Variants in ZNF804B observed in about 807,000 individuals in gnomAD.
ZNF804B encodes the protein zinc finger protein 804B, also known as zinc finger 804B.
A neutral mutation model predicts 101.4 loss-of-function variants in ZNF804B; 80 were observed. The observed-to-expected ratio is 0.79, with a 90% confidence interval of 0.66 to 0.95. The LOEUF (loss-of-function observed/expected upper bound fraction) is 0.95, where lower values mean the gene tolerates loss of function less well. Among genes scored for constraint, ZNF804B ranks in the 40% least tolerant of loss-of-function variants. The pLI is 0.00. For synonymous variants in ZNF804B, 622 were observed against 558.8 expected (o/e 1.11, Z -1.59); for missense variants, 1,673 against 1,561.9 (o/e 1.07, Z -1.20).
intron 1 of ZNF804B, among the ~76,000 whole-genome samples, chr7:89,060,515 C>T (rs61147928): frequency 0.032 from 4,846 of 152,124 alleles, 267 homozygotes; most frequent in African/African-American, 0.11. Context: ...CAAAATTTGT[C>T]GATCACAACC....
intron 2 of ZNF804B, among the ~76,000 whole-genome samples, chr7:89,324,106 A>T (rs1304771762): frequency 2.0e-5 from 3 of 151,046 alleles, no homozygotes; most frequent in African/African-American, 4.9e-5. Flanking sequence ...TTTATAAGAG[A>T]TACAATCACT....
intron 1 of ZNF804B, among the ~76,000 whole-genome samples, chr7:88,935,746 T>A (rs568571848): frequency 6.6e-6 from 1 of 152,124 alleles, no homozygotes; most frequent in African/African-American, 2.4e-5. Flanking sequence ...CCTCATTTGC[T>A]TAGTAGGTGC....
In ZNF804B at chr7:89,330,512, G is replaced by C. The variant is rs189253068; in HGVS notation, c.381-2851G>C. Reference sequence around the variant, plus strand: ...TTATATCTCAATAAACCTAGAAAAAGTTAAAGCTTTAATAATGTTATAATA... The same window carrying C: ...TTATATCTCAATAAACCTAGAAAAACTTAAAGCTTTAATAATGTTATAATA... On this transcript the variant is annotated intron_variant, in intron 3 of 3. Transcript: ENST00000333190. Among the ~76,000 whole-genome samples the C allele has an allele frequency of 4.8e-4, 73 of 151,584 alleles. No individual in the cohort carries two copies. In the East Asian group the frequency reaches 0.014, roughly 29 times the overall value.
intron 2 of ZNF804B, among the ~76,000 whole-genome samples, chr7:89,277,423 A>T (rs1211026): frequency 0.23 from 30,511 of 130,096 alleles, 3,832 homozygotes; most frequent in Non-Finnish European, 0.27. Flanking sequence ...GGTGCGCTGC[A>T]CCCACTAACT....
At chr7:89,130,268 TC>T in intron 1 of ZNF804B, among the ~76,000 whole-genome samples, 1 of 151,936 alleles carries the variant, frequency 6.6e-6, no homozygotes, top group East Asian at 1.9e-4. Context: ...CCATTTGCCA[TC>T]CTAAAAGGGA....
chr7:89,335,598 A>G lies in ZNF804B; in HGVS notation c.2616A>G (p.Gln872=). 5 of 1,613,994 alleles carry G rather than the reference A, an allele frequency of 3.1e-6. No homozygotes were observed. Among genetic ancestry groups the G allele is most frequent in the Non-Finnish European group, 4.2e-6 (5 of 1,179,958 alleles). The change falls in exon 4 of 4, where the codon CAA becomes CAG. Residue 872 remains glutamine (Q), a synonymous_variant. Transcript: ENST00000333190. ...ACTTGAATAAAAGCAAGAGAAATCA[A>G]GAGTCTTTGGGCAGCCCTCACATTT... ...MYYLNKSKRN[Q]ESLGSPHICD...
At chr7:88,946,233 T>C (rs746800686) in intron 1 of ZNF804B, among the ~76,000 whole-genome samples, 11 of 152,208 alleles carry the variant, frequency 7.2e-5, no homozygotes, top group Middle Eastern at 6.8e-3. Context: ...TTGTCATAAA[T>C]AGCTCTTATT....
intron 1 of ZNF804B, among the ~76,000 whole-genome samples, chr7:88,775,588 A>C (rs564589812): frequency 1.3e-5 from 2 of 152,334 alleles, no homozygotes; most frequent in Admixed American, 1.3e-4. Context: ...ATCAGAAATA[A>C]TTTATAAACA....
chr7:89,264,456 T>G (rs1789754785), intron 2 of ZNF804B, among the ~76,000 whole-genome samples: 1 of 152,200 alleles, frequency 6.6e-6, no homozygotes, highest in African/African-American at 2.4e-5. Flanking sequence ...TGCCAAAGCC[T>G]GTACACATTT....
intron 2 of ZNF804B, among the ~76,000 whole-genome samples, chr7:89,238,458 G>T (rs1334909311): frequency 1.3e-5 from 2 of 151,756 alleles, no homozygotes; most frequent in Non-Finnish European, 2.9e-5. Flanking sequence ...AATAAAATAG[G>T]CTGAAACAGA....
At chr7:88,776,780 A>ACCCCCCCCCCC (rs10707553) in intron 1 of ZNF804B, among the ~76,000 whole-genome samples, 28 of 83,486 alleles carry the variant, frequency 3.4e-4, no homozygotes, top group Non-Finnish European at 6.0e-4. Flanking sequence ...TAACCCATAA[A>ACCCCCCCCCCC]CCCCCCCCCC....
rs527543744 is a variant in ZNF804B, at chr7:89,304,895, GAGA to G, written c.250-22443_250-22441del. Among the ~76,000 whole-genome samples, 381 of 152,012 alleles carry G rather than the reference GAGA, an allele frequency of 2.5e-3. 2 individuals are homozygous for G. The highest frequency in any genetic ancestry group is 9.0e-3 in the African/African-American group (372 of 41,502). On this transcript the variant is annotated intron_variant, in intron 2 of 3. Coordinates refer to ENST00000333190, the MANE Select transcript of ZNF804B (RefSeq NM_181646.5). ...TTATAAAAGAGAAAAAAGAGGTTCT[GAGA>G]AGAAGTACAAAATTCAAAATTGAAA...
intron 1 of ZNF804B, among the ~76,000 whole-genome samples, chr7:89,017,525 G>T (rs1788588262): frequency 6.6e-6 from 1 of 152,022 alleles, no homozygotes; most frequent in Non-Finnish European, 1.5e-5. Flanking sequence ...ACATGGAGTT[G>T]AGGATTATTT....
intron 1 of ZNF804B, among the ~76,000 whole-genome samples, chr7:89,147,359 C>A (rs931954758): frequency 1.3e-5 from 2 of 151,932 alleles, no homozygotes; most frequent in Non-Finnish European, 2.9e-5. Flanking sequence ...GTAAAGATTT[C>A]TTTTCTCATC....
chr7:88,775,162 T>G (rs984591065), intron 1 of ZNF804B, among the ~76,000 whole-genome samples: 1 of 152,224 alleles, frequency 6.6e-6, no homozygotes, highest in Non-Finnish European at 1.5e-5. Flanking sequence ...GATAAGTAAC[T>G]GATTCTAAAG....
chr7:89,028,846 C>T (rs1157671109), intron 1 of ZNF804B, among the ~76,000 whole-genome samples: 1 of 151,904 alleles, frequency 6.6e-6, no homozygotes, highest in Non-Finnish European at 1.5e-5. Flanking sequence ...TGAAGTAGTA[C>T]CTGGAACAAT....
At chr7:88,821,905 G>A (rs1790987628) in intron 1 of ZNF804B, among the ~76,000 whole-genome samples, 1 of 152,034 alleles carries the variant, frequency 6.6e-6, no homozygotes, top group African/African-American at 2.4e-5. Flanking sequence ...ACTTCATATA[G>A]AAGCAAAAAG....
chr7:88,841,407 C>A (rs1791289979), intron 1 of ZNF804B, among the ~76,000 whole-genome samples: 1 of 152,072 alleles, frequency 6.6e-6, no homozygotes, highest in African/African-American at 2.4e-5. Context: ...AATAAAGCCA[C>A]AATAAAAACT....
intron 1 of ZNF804B, among the ~76,000 whole-genome samples, chr7:88,901,665 A>G (rs1792393746): frequency 6.6e-6 from 1 of 151,826 alleles, no homozygotes; most frequent in South Asian, 2.1e-4. Flanking sequence ...AGAGAAAAAA[A>G]AGAGTACTGG....
Sources: gnomAD v4.1 joint callset for allele counts (sites outside exome capture counted in the v4.1 genomes callset) on GRCh38, gnomAD v4.1.1 for gene constraint, MANE v1.5 for transcripts, NCBI Gene and HGNC (gene_info 2026-07-23, HGNC 2026-07-21) for gene names.